Variants in CDH15 observed in about 807,000 individuals in gnomAD.
CDH15 encodes the protein cadherin-15.
CDH15 carries 73 observed loss-of-function variants against 69.4 expected under a neutral mutation model. The observed-to-expected ratio is 1.05, with a 90% CI of 0.87 to 1.28. The LOEUF (loss-of-function observed/expected upper bound fraction) is 1.28, where lower values mean the gene tolerates loss of function less well. CDH15 is among the 50% of genes most tolerant of loss of function. CDH15 has a pLI of 0.00. For synonymous variants in CDH15, 624 were observed against 507.7 expected (o/e 1.23, Z -3.08); for missense variants, 1,343 against 1,133.6 (o/e 1.18, Z -2.65).
intron 7 of CDH15, among the ~76,000 whole-genome samples, chr16:89,189,361 A>ACACACAGATGCCGGCG: frequency 6.6e-6 from 1 of 150,594 alleles, no homozygotes; most frequent in Non-Finnish European, 1.5e-5. Flanking sequence ...AGATGCCGGC[A>ACACACAGATGCCGGCG]CACACAGATG....
At position 89,183,679 on chromosome 16, in the gene CDH15, G is replaced by A. The variant is rs772144718; in HGVS notation, c.489G>A (p.Glu163=). The change falls in exon 4 of 14, where the codon GAG becomes GAA. Residue 163 remains glutamate, a synonymous_variant. Coordinates refer to ENST00000289746, the MANE Select transcript of CDH15 (RefSeq NM_004933.3). ...LQEAFTGRVL[E]GAVPGTYVTR... is the part of the protein sequence containing the mutation. Reference sequence around the variant, plus strand: ...AGGCGTTCACTGGCCGCGTGCTGGAGGGTGCAGTCCCAGGTGAGACAGGAC... The same window carrying A: ...AGGCGTTCACTGGCCGCGTGCTGGAAGGTGCAGTCCCAGGTGAGACAGGAC... 1.9e-6 allele frequency: 3 copies of A among 1,604,828 alleles called. No individual in the cohort carries two copies. The highest frequency in any genetic ancestry group is 2.6e-6 in the Non-Finnish European group (3 of 1,175,736).
chr16:89,182,054 C>A (rs983664912), intron 3 of CDH15, among the ~76,000 whole-genome samples: 6 of 151,282 alleles, frequency 4.0e-5, no homozygotes, highest in African/African-American at 1.5e-4. Context: ...AAAACCAGAA[C>A]CCCGTCTGCA....
In CDH15 at chr16:89,185,828, G is replaced by A. The variant is rs1258639800; in HGVS notation, c.663+495G>A. 3 of 253,934 alleles carry A rather than the reference G, an allele frequency of 1.2e-5. No homozygotes were observed. In the Admixed American group the frequency reaches 1.5e-4, roughly 13 times the overall value. 15.7% of individuals were successfully genotyped at this position (253,934 alleles called of 1,614,324 possible). On this transcript the variant is annotated intron_variant, in intron 5 of 13. Transcript: ENST00000289746. Reference sequence around the variant, plus strand: ...GGGACCCAAGCTCACTGGTGTGCTAGGTGCCCAGCACAGAGTAGGTGCTCT... The same window carrying A: ...GGGACCCAAGCTCACTGGTGTGCTAAGTGCCCAGCACAGAGTAGGTGCTCT...
At chr16:89,188,979 CCACA>C (rs1163266780) in intron 7 of CDH15, among the ~76,000 whole-genome samples, 3 of 136,618 alleles carry the variant, frequency 2.2e-5, no homozygotes, top group Admixed American at 7.6e-5. Context: ...ACATAGATGC[CCACA>C]CACAGACACC....
At chr16:89,174,850 C>G (rs1329597818) in intron 1 of CDH15, among the ~76,000 whole-genome samples, 1 of 152,150 alleles carries the variant, frequency 6.6e-6, no homozygotes, top group Non-Finnish European at 1.5e-5. Flanking sequence ...GCGTCCCCTA[C>G]CCCAGGTGCA....
In CDH15 at chr16:89,180,368, G is replaced by C; in HGVS notation, c.357+13G>C. The C allele has an allele frequency of 6.2e-7, 1 of 1,609,214 alleles. No homozygotes were observed. Among genetic ancestry groups the C allele is most frequent in the Non-Finnish European group, 8.5e-7 (1 of 1,178,206 alleles). On this transcript the variant is annotated intron_variant, in intron 3 of 13. Coordinates refer to ENST00000289746, the MANE Select transcript of CDH15 (RefSeq NM_004933.3). ...TGATCGCTTCAGGGTGCGGAGCTGC[G>C]TGGTCGGACCTGTGCCCCTCAAGCA...
chr16:89,182,022 G>A (rs1915387998), intron 3 of CDH15, among the ~76,000 whole-genome samples: 1 of 151,336 alleles, frequency 6.6e-6, no homozygotes, highest in Non-Finnish European at 1.5e-5. Flanking sequence ...AAAGGGCAGT[G>A]GGAGCAAGCC....
intron 7 of CDH15, among the ~76,000 whole-genome samples, chr16:89,188,884 GCA>G (rs781023099): frequency 2.3e-4 from 23 of 102,028 alleles, no homozygotes; most frequent in Admixed American, 3.3e-4. Context: ...ACAGATGCCA[GCA>G]CACACAGATG....
Position 89,194,886 on chromosome 16 carries a change from C to G in CDH15, c.2176C>G (p.Pro726Ala). Residue 726 changes from proline to alanine, a missense_variant, in exon 14 of 14, where the codon CCC becomes GCC. Pro to Ala is a conservative substitution (Grantham distance 27, BLOSUM62 -1). Coordinates refer to ENST00000289746, the MANE Select transcript of CDH15 (RefSeq NM_004933.3). Reference sequence around the variant, plus strand: ...GGGCTTGGAGGCTGCAGATAGTGACCCCAGTGTGCCGCCTTACGACACAGC... The same window carrying G: ...GGGCTTGGAGGCTGCAGATAGTGACGCCAGTGTGCCGCCTTACGACACAGC... ...NDGLEAADSDPSVPPYDTALI... is the reference protein window; with the variant it reads ...NDGLEAADSDASVPPYDTALI... 2 of 1,606,732 alleles carry G rather than the reference C, an allele frequency of 1.2e-6. No individual in the cohort carries two copies. The highest frequency in any genetic ancestry group is 1.7e-6 in the Non-Finnish European group (2 of 1,176,772).
rs1267608683 is a variant in CDH15 at position 89,183,688 on chromosome 16, C to T, written c.498C>T (p.Val166=). ...AFTGRVLEGA[V]PGTYVTRAEA... is the part of the protein sequence containing the mutation. Reference sequence around the variant, plus strand: ...CTGGCCGCGTGCTGGAGGGTGCAGTCCCAGGTGAGACAGGACCACAGCCCC... The same window carrying T: ...CTGGCCGCGTGCTGGAGGGTGCAGTTCCAGGTGAGACAGGACCACAGCCCC... The change falls in exon 4 of 14, where the codon GTC becomes GTT. Residue 166 remains valine, a synonymous_variant. Coordinates refer to ENST00000289746, the MANE Select transcript of CDH15 (RefSeq NM_004933.3). 3 of 1,600,450 alleles carry T rather than the reference C, an allele frequency of 1.9e-6. No homozygotes were observed. The highest frequency in any genetic ancestry group is 1.1e-5 in the South Asian group (1 of 89,130).
chr16:89,189,167 CCACACACAGATGCCGGCACA>C (rs1567775229), intron 7 of CDH15, among the ~76,000 whole-genome samples: 1 of 133,752 alleles, frequency 7.5e-6, no homozygotes, highest in Non-Finnish European at 1.6e-5. Flanking sequence ...ACACAGATGC[CCACACACAGATGCCGGCACA>C]CACAGATGCC....
At chr16:89,191,931 A>G (rs1195590345) in intron 10 of CDH15, 37 bp downstream of exon 10, 2 of 1,430,896 alleles carry the variant, frequency 1.4e-6, no homozygotes, top group African/African-American at 1.4e-5. Flanking sequence ...CCCCATCCCC[A>G]CGCTCCCCCC....
At chr16:89,185,706 C>T (rs72819362) in intron 5 of CDH15, 401 of 348,708 alleles carry the variant, frequency 1.1e-3, no homozygotes, top group Middle Eastern at 4.9e-3. Flanking sequence ...CGGAAGACCC[C>T]CCTTGAGTCA....
chr16:89,174,905 G>C (rs540119978), intron 1 of CDH15, among the ~76,000 whole-genome samples: 48 of 152,278 alleles, frequency 3.2e-4, no homozygotes, highest in African/African-American at 8.9e-4. Context: ...CCTGGGCACC[G>C]GATGTCCCGA....
intron 1 of CDH15, 149 bp from the exon 2 acceptor site, chr16:89,179,267 G>C: frequency 1.2e-6 from 1 of 847,596 alleles, no homozygotes; most frequent in East Asian, 2.6e-5. Flanking sequence ...CCCGTGTGTG[G>C]AAGCCGCCTT....
intron 3 of CDH15, chr16:89,183,212 CT>C (rs1321625612): frequency 4.2e-6 from 1 of 239,426 alleles, no homozygotes. Flanking sequence ...AAAAACATAA[CT>C]TCAGGAGGAA....
intron 1 of CDH15, among the ~76,000 whole-genome samples, chr16:89,175,742 C>A (rs776103927): frequency 6.6e-6 from 1 of 152,236 alleles, no homozygotes; most frequent in African/African-American, 2.4e-5. Flanking sequence ...CCAGGGCCGC[C>A]ATCTGTCAGC....
rs376298136 is a variant in CDH15 at position 89,181,200 on chromosome 16, G to T, written c.357+845G>T. On this transcript the variant is annotated intron_variant, in intron 3 of 13. Transcript: ENST00000289746. ...GCCTCCCAAAGTGCTAGGATTACAG[G>T]CGTGAGCCACCACACCTGGCCCCAA... 3.9e-5 allele frequency among the ~76,000 whole-genome samples: 6 copies of T among 152,228 alleles called. No homozygotes were observed. The East Asian group carries it at 1.2e-3, about 29-fold the overall frequency.
chr16:89,190,139 A>G, intron 7 of CDH15, 104 bp from the exon 8 acceptor site: 1 of 1,361,256 alleles, frequency 7.3e-7, no homozygotes, highest in Admixed American at 2.0e-5. Context: ...GAAGGAAAGT[A>G]CAGGTGCTCT....
Sources: allele counts gnomAD v4.1 joint callset (sites outside exome capture counted in the v4.1 genomes callset), GRCh38; gene constraint gnomAD v4.1.1; transcripts MANE v1.5; gene names NCBI Gene and HGNC (gene_info 2026-07-23, HGNC 2026-07-21).